The following ERGIC1 variants were observed in gnomAD, a reference collection of about 807,000 sequenced individuals.
The protein encoded by ERGIC1 is endoplasmic reticulum-Golgi intermediate compartment protein 1.
ERGIC1 carries 19 observed loss-of-function variants against 38.3 expected under a neutral mutation model. The observed-to-expected ratio is 0.50, with a 90% CI of 0.35 to 0.73. The LOEUF is 0.73. Among genes scored for constraint, ERGIC1 ranks in the 30% least tolerant of loss-of-function variants. The pLI is 0.01. For missense variants in ERGIC1, 294 were observed against 389.2 expected, an observed-to-expected ratio of 0.76 and a Z score of 2.06; for synonymous variants, 124 against 157.6, an observed-to-expected ratio of 0.79 and a Z score of 1.60.
chr5:172,922,289 A>G (rs1763539911), intron 5 of ERGIC1: 1 of 152,288 alleles, frequency 6.6e-6, no homozygotes, highest in African/African-American at 2.4e-5. Flanking sequence ...TTATCAGATG[A>G]CAAAGTCAAA....
chr5:172,903,505 T>C (rs1762938262), intron 3 of ERGIC1, among the ~76,000 whole-genome samples: 1 of 152,152 alleles, frequency 6.6e-6, no homozygotes, highest in Non-Finnish European at 1.5e-5. Context: ...TGCCTCTGCC[T>C]CCTCTTGGTC....
At chr5:172,905,462 G>A (rs1490470227) in intron 3 of ERGIC1, 5 of 466,960 alleles carry the variant, frequency 1.1e-5, no homozygotes, top group Admixed American at 2.4e-5. Context: ...GGAATGGAAC[G>A]TTGGGCCATG....
At chr5:172,927,519 G>A (rs1002275239) in intron 7 of ERGIC1, among the ~76,000 whole-genome samples, 1 of 150,806 alleles carries the variant, frequency 6.6e-6, no homozygotes, top group African/African-American at 2.4e-5. Flanking sequence ...ACATAGCCAC[G>A]ATTTTCTTAC....
intron 1 of ERGIC1, among the ~76,000 whole-genome samples, chr5:172,854,295 T>C (rs998828279): frequency 6.6e-6 from 1 of 151,828 alleles, no homozygotes. Flanking sequence ...GGCGGGAGGA[T>C]CACTTGAGCC....
intron 2 of ERGIC1, among the ~76,000 whole-genome samples, chr5:172,893,293 G>A (rs965513217): frequency 1.1e-4 from 16 of 152,108 alleles, no homozygotes; most frequent in Admixed American, 2.6e-4. Context: ...GATTACAGGC[G>A]CCTGCCACCG....
In ERGIC1 at chr5:172,848,096, A is replaced by G. The variant is rs78970228; in HGVS notation, c.20+13663A>G. Among the ~76,000 whole-genome samples, 478 of 152,386 alleles carry G rather than the reference A, an allele frequency of 3.1e-3. 2 individuals are homozygous for G. Among genetic ancestry groups the G allele is most frequent in the African/African-American group, 0.011 (458 of 41,590 alleles). On this transcript the variant is annotated intron_variant, in intron 1 of 9. Transcript: ENST00000393784. ...AGGCTTTCTCGTTGATATTCTGAGCATACTCAAAAGAGAGCTGAACAGGGA... is the reference window on the plus strand; with the variant it reads ...AGGCTTTCTCGTTGATATTCTGAGCGTACTCAAAAGAGAGCTGAACAGGGA...
chr5:172,875,130 C>A (rs1486702265), intron 1 of ERGIC1, among the ~76,000 whole-genome samples: 3 of 152,114 alleles, frequency 2.0e-5, no homozygotes, highest in East Asian at 3.9e-4. Flanking sequence ...TCTGCTTTTT[C>A]TTTTACATGC....
chr5:172,851,615 C>T (rs1029520155), intron 1 of ERGIC1, among the ~76,000 whole-genome samples: 12 of 152,144 alleles, frequency 7.9e-5, no homozygotes, highest in African/African-American at 2.9e-4. Flanking sequence ...GACCTTAAAG[C>T]GGGAGATGTG....
At chr5:172,864,854 A>G (rs1761813725) in intron 1 of ERGIC1, among the ~76,000 whole-genome samples, 1 of 151,370 alleles carries the variant, frequency 6.6e-6, no homozygotes, top group Admixed American at 6.6e-5. Flanking sequence ...TCAGAGAGGG[A>G]CATCACTTAA....
chr5:172,906,295 G>A, intron 3 of ERGIC1: 1 of 389,740 alleles, frequency 2.6e-6, no homozygotes, highest in Non-Finnish European at 5.1e-6. Context: ...GCTGTGGAAA[G>A]GCTGGGTTGA....
At chr5:172,938,045 G>A (rs976818428) in intron 9 of ERGIC1, 4 of 152,322 alleles carry the variant, frequency 2.6e-5, no homozygotes, top group African/African-American at 7.2e-5. Flanking sequence ...CAAAGATTGG[G>A]AAGATGTGAA....
chr5:172,907,806 T>C (rs1285848452), intron 3 of ERGIC1, among the ~76,000 whole-genome samples: 1 of 152,144 alleles, frequency 6.6e-6, no homozygotes, highest in Non-Finnish European at 1.5e-5. Flanking sequence ...CAAGTACTAA[T>C]CAGCGTTGGG....
At chr5:172,885,534 C>T (rs1762396453) in intron 1 of ERGIC1, among the ~76,000 whole-genome samples, 1 of 152,142 alleles carries the variant, frequency 6.6e-6, no homozygotes, top group South Asian at 2.1e-4. Flanking sequence ...GGGTATCGAG[C>T]CCCAGGACAC....
Position 172,932,493 on chromosome 5 carries a change from G to A in ERGIC1, c.599G>A (p.Ser200Asn). Residue 200 changes from serine to asparagine, a missense_variant, in exon 8 of 10, where the codon AGT (serine) becomes AAT (asparagine). Physicochemically the swap from Ser to Asn is conservative, Grantham distance 46. Coordinates refer to ENST00000393784, the MANE Select transcript of ERGIC1 (RefSeq NM_001031711.3). ...KIVPTVYEDK[S>N]GKQRYSYQYT... Reference sequence around the variant, plus strand: ...GTGCCCACGGTTTATGAGGACAAGAGTGGCAAGCAGCGGTACTCCTACCAG... The same window carrying A: ...GTGCCCACGGTTTATGAGGACAAGAATGGCAAGCAGCGGTACTCCTACCAG... The A allele has an allele frequency of 1.2e-6, 2 of 1,614,214 alleles. No homozygotes were observed. The highest frequency in any genetic ancestry group is 1.7e-6 in the Non-Finnish European group (2 of 1,180,042).
chr5:172,940,072 G>A (rs902287049), intron 9 of ERGIC1, among the ~76,000 whole-genome samples: 7 of 152,190 alleles, frequency 4.6e-5, no homozygotes, highest in African/African-American at 1.7e-4. Context: ...AGGTCGGGAT[G>A]TCGTCATGTG....
chr5:172,935,309 C>T lies in ERGIC1; in HGVS notation c.764C>T (p.Thr255Met), dbSNP rs200774551. 1.2e-5 allele frequency: 20 copies of T among 1,614,028 alleles called. No homozygotes were observed. Among genetic ancestry groups the T allele is most frequent in the East Asian group, 2.2e-5 (1 of 44,878 alleles). The change falls in exon 9 of 10, where the codon ACG (threonine) becomes ATG (methionine). Residue 255 changes from threonine to methionine, a missense_variant and splice_region_variant. This residue lies in a region of ERGIC1 where 22 missense variants were observed against 50.7 expected (regional missense o/e 0.43). Transcript: ENST00000393784. Reference protein sequence around the residue: ...RRQPLYRFITTICAIIGGTFT... With the variant: ...RRQPLYRFITMICAIIGGTFT... ...CAGCCGCTGTACAGATTCATCACCA[C>T]GGTGAGTGGCCTGGGGCAGTGGGTG...
rs1581581924 is a variant in ERGIC1, at chr5:172,928,814, A to T, written c.541+2245A>T. Among the ~76,000 whole-genome samples the T allele has an allele frequency of 2.0e-5, 3 of 152,098 alleles. No individual in the cohort carries two copies. The South Asian group carries it at 6.2e-4, about 32-fold the overall frequency. ...CCTGTGGTCTTGGGAAAGTCATTTAACTCTGCTAAGCCTCAGTTTCTGCAT... is the reference window on the plus strand; with the variant it reads ...CCTGTGGTCTTGGGAAAGTCATTTATCTCTGCTAAGCCTCAGTTTCTGCAT... On this transcript the variant is annotated intron_variant, in intron 7 of 9. Coordinates refer to ENST00000393784, the MANE Select transcript of ERGIC1 (RefSeq NM_001031711.3).
chr5:172,951,728 G>C lies in ERGIC1; in HGVS notation c.*912G>C, dbSNP rs1354926185. ...TTTGAGATCCAGATAGACATGGTTT[G>C]TGCACTTACGTCCAGATGGGAAGCA... On this transcript the variant is annotated 3_prime_UTR_variant, in exon 10 of 10. Coordinates refer to ENST00000393784, the MANE Select transcript of ERGIC1 (RefSeq NM_001031711.3). The C allele has an allele frequency of 6.6e-6, 1 of 152,316 alleles. No homozygotes were observed. The allele number at this position is 152,316 out of a possible 1,614,324, so 9.4% of individuals were successfully genotyped here.
intron 9 of ERGIC1, among the ~76,000 whole-genome samples, chr5:172,948,143 C>T (rs923012286): frequency 3.3e-5 from 5 of 152,134 alleles, no homozygotes; most frequent in African/African-American, 1.2e-4. Flanking sequence ...CCCCCCAGCG[C>T]CCCCAGTCCT....
Sources: gnomAD v4.1 joint callset for allele counts (sites outside exome capture counted in the v4.1 genomes callset) on GRCh38, gnomAD v4.1.1 for gene constraint, gnomAD v4.1.1 regional missense constraint, MANE v1.5 for transcripts, NCBI Gene and HGNC (gene_info 2026-07-23, HGNC 2026-07-21) for gene names.